SNX27: variants seen among roughly 807,000 people sequenced by gnomAD.
SNX27 encodes sorting nexin-27.
In SNX27, 22 loss-of-function variants were observed where a neutral mutation model predicts 71.6. The ratio of observed to expected loss-of-function variants is 0.31; its 90% CI spans 0.22 to 0.44. The LOEUF is 0.44. Ranked by LOEUF, SNX27 falls within the 20% of genes least tolerant of loss-of-function variation. The pLI is 1.00. For synonymous variants in SNX27, 269 were observed against 277.2 expected, an observed-to-expected ratio of 0.97 and a Z score of 0.29; for missense variants, 531 against 698.6, an observed-to-expected ratio of 0.76 and a Z score of 2.70.
chr1:151,622,074 C>G (rs1029993469), intron 1 of SNX27, among the ~76,000 whole-genome samples: 24 of 152,158 alleles, frequency 1.6e-4, no homozygotes, highest in African/African-American at 5.6e-4. Context: ...TCTTCTCTTT[C>G]AATATGTTGG....
At chr1:151,691,499 C>G (rs1259199593) in intron 8 of SNX27, among the ~76,000 whole-genome samples, 1 of 126,710 alleles carries the variant, frequency 7.9e-6, no homozygotes, top group Non-Finnish European at 1.6e-5. Flanking sequence ...GAGACAGAGT[C>G]TTGCTCTGTC....
intron 1 of SNX27, among the ~76,000 whole-genome samples, chr1:151,620,565 T>C (rs572146286): frequency 1.3e-5 from 2 of 152,198 alleles, no homozygotes; most frequent in Non-Finnish European, 2.9e-5. Context: ...TCCTTTCTCT[T>C]TCTCTTCTGT....
intron 2 of SNX27, among the ~76,000 whole-genome samples, chr1:151,650,471 C>G (rs1669272832): frequency 6.6e-6 from 1 of 152,132 alleles, no homozygotes; most frequent in African/African-American, 2.4e-5. Flanking sequence ...TGTTTTCAGA[C>G]ATTTCTTCAG....
intron 8 of SNX27, among the ~76,000 whole-genome samples, chr1:151,689,949 A>G (rs1196513774): frequency 3.9e-5 from 6 of 152,014 alleles, no homozygotes; most frequent in African/African-American, 1.5e-4. Flanking sequence ...TCCAGGTTCA[A>G]GCAATTCTTC....
At chr1:151,627,321 G>A (rs1252664852) in intron 1 of SNX27, among the ~76,000 whole-genome samples, 3 of 152,152 alleles carry the variant, frequency 2.0e-5, no homozygotes, top group Middle Eastern at 3.2e-3. Context: ...AGCAGTATCA[G>A]AATTGTTAAC....
intron 1 of SNX27, among the ~76,000 whole-genome samples, chr1:151,626,244 A>G (rs1259992207): frequency 2.0e-5 from 3 of 151,942 alleles, no homozygotes; most frequent in Non-Finnish European, 4.4e-5. Flanking sequence ...AATTTGTTCA[A>G]TTTGGTCTGT....
At chr1:151,639,369 A>C (rs550519886) in intron 2 of SNX27, among the ~76,000 whole-genome samples, 7 of 152,186 alleles carry the variant, frequency 4.6e-5, no homozygotes, top group African/African-American at 1.4e-4. Flanking sequence ...TCAAGTTTGC[A>C]TTCTGGTTTG....
chr1:151,658,688 A>G (rs1020778466), intron 3 of SNX27, among the ~76,000 whole-genome samples: 8 of 152,114 alleles, frequency 5.3e-5, no homozygotes, highest in South Asian at 2.1e-4. Flanking sequence ...GTGATGCCTA[A>G]TGGACTTTTT....
intron 8 of SNX27, among the ~76,000 whole-genome samples, chr1:151,684,034 A>G (rs1671082359): frequency 6.6e-6 from 1 of 152,236 alleles, no homozygotes; most frequent in African/African-American, 2.4e-5. Flanking sequence ...TGTGTAAAAC[A>G]TTACAATAGG....
At chr1:151,620,536 G>A (rs1477455897) in intron 1 of SNX27, among the ~76,000 whole-genome samples, 3 of 152,078 alleles carry the variant, frequency 2.0e-5, no homozygotes, top group Non-Finnish European at 4.4e-5. Flanking sequence ...TTTCACAATC[G>A]AATCCAGCTT....
chr1:151,689,509 TTC>T (rs919663614), intron 8 of SNX27, among the ~76,000 whole-genome samples: 1 of 152,250 alleles, frequency 6.6e-6, no homozygotes, highest in African/African-American at 2.4e-5. Flanking sequence ...GTCGGCATGC[TTC>T]TCTCTTTTTA....
At chr1:151,617,906 A>C (rs1332523384) in intron 1 of SNX27, among the ~76,000 whole-genome samples, 4 of 137,482 alleles carry the variant, frequency 2.9e-5, no homozygotes, top group Non-Finnish European at 3.1e-5. Context: ...TTTTTTAAAG[A>C]GATAGGAGTC....
intron 2 of SNX27, among the ~76,000 whole-genome samples, chr1:151,650,944 A>G (rs913291432): frequency 1.3e-5 from 2 of 152,232 alleles, no homozygotes; most frequent in African/African-American, 4.8e-5. Context: ...ACAGGATCCC[A>G]AGGCAGAAGA....
Position 151,658,315 on chromosome 1 carries a change from G to A in SNX27, c.624G>A (p.Lys208=), listed in dbSNP as rs780893083. 6.2e-7 allele frequency: 1 copy of A among 1,614,198 alleles called. No individual in the cohort carries two copies. Among genetic ancestry groups the A allele is most frequent in the Non-Finnish European group, 8.5e-7 (1 of 1,180,030 alleles). ...REFAILHQNL[K]REFANFTFPR... ...TTGCTATCCTACACCAGAACCTGAA[G>A]AGAGAGTTTGCCAACTTTACATTTC... Residue 208 remains lysine, a synonymous_variant, in exon 3 of 12, where the codon AAG becomes AAA. Coordinates refer to ENST00000458013, the MANE Select transcript of SNX27 (RefSeq NM_001330723.2).
intron 1 of SNX27, among the ~76,000 whole-genome samples, chr1:151,630,711 A>G (rs1781432): frequency 0.94 from 143,187 of 152,282 alleles, 67,834 homozygotes; most frequent in Non-Finnish European, 0.99. Flanking sequence ...GGCAAAGTAT[A>G]GTATGATTGC....
intron 1 of SNX27, among the ~76,000 whole-genome samples, chr1:151,634,393 A>C (rs1668379644): frequency 6.6e-6 from 1 of 152,122 alleles, no homozygotes; most frequent in Admixed American, 6.5e-5. Context: ...TCATATTTCC[A>C]TTTATACCTA....
Position 151,699,002 on chromosome 1 carries a change from CTA to C in SNX27, c.*4586_*4587del, listed in dbSNP as rs1427953433. 1 of 152,638 alleles carries C rather than the reference CTA, an allele frequency of 6.6e-6. No homozygotes were observed. Among genetic ancestry groups the C allele is most frequent in the African/African-American group, 2.4e-5 (1 of 41,456 alleles). The allele number at this position is 152,638 out of a possible 1,614,324, so 9.5% of individuals were successfully genotyped here. On this transcript the variant is annotated 3_prime_UTR_variant, in exon 12 of 12. Coordinates refer to ENST00000458013, the MANE Select transcript of SNX27 (RefSeq NM_001330723.2). ...ATTCCTTGTTCTAGAGCTAACCACTCTAAAATTGTTTGGTAATGTCACTTAGT... is the reference window on the plus strand; with the variant it reads ...ATTCCTTGTTCTAGAGCTAACCACTCAAATTGTTTGGTAATGTCACTTAGT...
chr1:151,625,162 T>C (rs1382222556), intron 1 of SNX27, among the ~76,000 whole-genome samples: 3 of 152,216 alleles, frequency 2.0e-5, no homozygotes, highest in Non-Finnish European at 4.4e-5. Context: ...TTTATTGTTA[T>C]TAATACGCGC....
At chr1:151,662,127 A>T (rs1190353859) in intron 4 of SNX27, 39 bp from the exon 5 acceptor site, 1 of 1,426,708 alleles carries the variant, frequency 7.0e-7, no homozygotes, top group Non-Finnish European at 9.9e-7. Context: ...GTGAAGATAT[A>T]CTGGGCCATA....
Sources: allele counts gnomAD v4.1 joint callset (sites outside exome capture counted in the v4.1 genomes callset), GRCh38; gene constraint gnomAD v4.1.1; transcripts MANE v1.5; gene names NCBI Gene and HGNC (gene_info 2026-07-23, HGNC 2026-07-21).